Variants in MEGF11 observed in about 807,000 individuals in gnomAD.
MEGF11 encodes multiple epidermal growth factor-like domains protein 11.
In MEGF11, 126 loss-of-function variants were observed where a neutral mutation model predicts 146.6. The ratio of observed to expected loss-of-function variants is 0.86; its 90% CI spans 0.74 to 1.00. MEGF11 has a LOEUF of 1.00. MEGF11 is among the 50% of genes least tolerant of loss of function. The pLI, the probability that MEGF11 is intolerant of heterozygous loss-of-function variation, is 0.00. For missense variants in MEGF11, 1,509 were observed against 1,521.2 expected (o/e 0.99, Z 0.13); for synonymous variants, 532 against 583.4 (o/e 0.91, Z 1.27).
At chr15:66,101,663 A>T (rs138740134) in intron 4 of MEGF11, among the ~76,000 whole-genome samples, 68 of 152,294 alleles carry the variant, frequency 4.5e-4, no homozygotes, top group African/African-American at 1.5e-3. Flanking sequence ...ATATTAATAC[A>T]TCCTGAACAA....
chr15:66,160,562 A>T (rs993855211), intron 1 of MEGF11, among the ~76,000 whole-genome samples: 1 of 151,968 alleles, frequency 6.6e-6, no homozygotes, highest in Non-Finnish European at 1.5e-5. Flanking sequence ...CACATCCATG[A>T]GGGTAAGGTA....
chr15:66,059,595 A>AC (rs1299439647), intron 5 of MEGF11, among the ~76,000 whole-genome samples: 9 of 147,988 alleles, frequency 6.1e-5, no homozygotes, highest in African/African-American at 1.7e-4. Flanking sequence ...AGTCCCAGAG[A>AC]CCCCCCACAG....
At chr15:66,187,099 G>C (rs1162809984) in intron 1 of MEGF11, among the ~76,000 whole-genome samples, 1 of 152,168 alleles carries the variant, frequency 6.6e-6, no homozygotes, top group Non-Finnish European at 1.5e-5. Context: ...TGAGAGTGAT[G>C]GTACATGGAA....
intron 1 of MEGF11, among the ~76,000 whole-genome samples, chr15:66,167,120 G>A (rs2090117561): frequency 6.6e-6 from 1 of 152,130 alleles, no homozygotes; most frequent in Admixed American, 6.5e-5. Flanking sequence ...AGTGGGCAGA[G>A]CCACCATGGA....
intron 4 of MEGF11, among the ~76,000 whole-genome samples, chr15:66,100,020 G>C (rs545957150): frequency 9.8e-5 from 15 of 152,326 alleles, no homozygotes; most frequent in African/African-American, 3.4e-4. Context: ...TGGAATGAAA[G>C]GAGGCCCCAG....
intron 10 of MEGF11, among the ~76,000 whole-genome samples, chr15:65,955,147 C>T (rs2080536438): frequency 6.6e-6 from 1 of 152,136 alleles, no homozygotes; most frequent in South Asian, 2.1e-4. Context: ...CAGGGGTCAC[C>T]CATGAGCAGT....
intron 1 of MEGF11, among the ~76,000 whole-genome samples, chr15:66,170,297 T>C (rs934644780): frequency 1.3e-5 from 2 of 152,144 alleles, no homozygotes; most frequent in African/African-American, 4.8e-5. Context: ...AGGAGAGCTC[T>C]TCTGGATATT....
chr15:66,039,669 C>T (rs993753886), intron 5 of MEGF11, among the ~76,000 whole-genome samples: 1 of 152,218 alleles, frequency 6.6e-6, no homozygotes, highest in Non-Finnish European at 1.5e-5. Flanking sequence ...CACCGGACTA[C>T]ATCCTCTAGG....
chr15:66,119,172 G>A lies in MEGF11; in HGVS notation c.215C>T (p.Thr72Met), dbSNP rs1416255803. ...KCTRHRISYKTAYRRGLRTMY... is the reference protein window; with the variant it reads ...KCTRHRISYKMAYRRGLRTMY... ...GGTCCGGAGGCCTCTCCGATACGCC[G>A]TCTTATAACTGATCCTAAGGCACAA... is the stretch of plus-strand genomic sequence containing the variant. The change falls in exon 4 of 26, where the codon ACG (threonine) becomes ATG (methionine). Residue 72 changes from threonine (T) to methionine (M), a missense_variant. Coordinates refer to ENST00000395614, the MANE Select transcript of MEGF11 (RefSeq NM_001385028.1). 16 of 1,551,046 alleles carry A rather than the reference G, an allele frequency of 1.0e-5. No homozygotes were observed. Among genetic ancestry groups the A allele is most frequent in the South Asian group, 1.2e-5 (1 of 84,054 alleles).
intron 10 of MEGF11, among the ~76,000 whole-genome samples, chr15:65,932,475 A>AG (rs78767632): frequency 0.32 from 48,646 of 151,796 alleles, 8,485 homozygotes; most frequent in East Asian, 0.66. Flanking sequence ...GTTACAGGGT[A>AG]GGAGACCAGG....
intron 5 of MEGF11, among the ~76,000 whole-genome samples, chr15:66,044,409 G>T (rs2140311703): frequency 6.6e-6 from 1 of 152,192 alleles, no homozygotes; most frequent in East Asian, 1.9e-4. Flanking sequence ...TCCACATTGT[G>T]AACTTCTTCA....
At chr15:65,898,190 C>G (rs768457812) in intron 25 of MEGF11, 96 bp from the exon 26 acceptor site, 3 of 1,474,638 alleles carry the variant, frequency 2.0e-6, no homozygotes, top group Non-Finnish European at 1.8e-6. Flanking sequence ...GGGAAAGGAG[C>G]CAGGGATTTA....
chr15:65,915,434 T>G lies in MEGF11; in HGVS notation c.2473+36A>C, dbSNP rs543331401. On this transcript the variant is annotated intron_variant, in intron 19 of 25. Transcript: ENST00000395614. ...TCCCTAGAGCTGCCATGGGGCCCTT[T>G]CCACAGACCCCGGGGCTCTGCCACG... 1.8e-4 allele frequency: 282 copies of G among 1,606,736 alleles called. 2 individuals carry two copies. In the South Asian group the frequency reaches 3.0e-3, roughly 17 times the overall value.
chr15:66,249,420 A>C (rs2092340793), intron 1 of MEGF11, among the ~76,000 whole-genome samples: 1 of 152,220 alleles, frequency 6.6e-6, no homozygotes, highest in African/African-American at 2.4e-5. Flanking sequence ...TTTCAATTAT[A>C]ACACTGCTAT....
chr15:65,905,337 A>G (rs529822932), intron 24 of MEGF11: 1 of 152,370 alleles, frequency 6.6e-6, no homozygotes, highest in East Asian at 1.9e-4. Flanking sequence ...CAGGCATTAG[A>G]CAATAGGACA....
intron 3 of MEGF11, 77 bp from the exon 4 acceptor site, chr15:66,119,263 C>T: frequency 9.7e-7 from 1 of 1,032,324 alleles, no homozygotes; most frequent in Non-Finnish European, 1.4e-6. Context: ...TTGTGTTAAG[C>T]TATATTGAGG....
At chr15:66,203,266 C>T (rs534602482) in intron 1 of MEGF11, among the ~76,000 whole-genome samples, 10 of 152,290 alleles carry the variant, frequency 6.6e-5, no homozygotes, top group East Asian at 3.9e-4. Flanking sequence ...TCCGAGGGCC[C>T]GCCTCACATG....
intron 5 of MEGF11, among the ~76,000 whole-genome samples, chr15:66,031,526 C>G (rs1413197544): frequency 6.6e-6 from 1 of 152,190 alleles, no homozygotes; most frequent in Non-Finnish European, 1.5e-5. Flanking sequence ...ATTTCCCACT[C>G]CAAGTGAAGT....
rs1049765112 is a variant in MEGF11, at chr15:65,963,125, A to G, written c.1112+1783T>C. On this transcript the variant is annotated intron_variant, in intron 9 of 25. Transcript: ENST00000395614. Reference sequence around the variant, plus strand: ...GGAGCTCCCTGCATTGGACCCCGGCATCAGCCTTGCTTCCTGTCTTGGAGA... The same window carrying G: ...GGAGCTCCCTGCATTGGACCCCGGCGTCAGCCTTGCTTCCTGTCTTGGAGA... Among the ~76,000 whole-genome samples, 13 of 152,362 alleles carry G rather than the reference A, an allele frequency of 8.5e-5. No homozygotes were observed. The East Asian group carries it at 2.5e-3, about 29-fold the overall frequency.
Sources: allele counts gnomAD v4.1 joint callset (sites outside exome capture counted in the v4.1 genomes callset), GRCh38; gene constraint gnomAD v4.1.1; transcripts MANE v1.5; gene names NCBI Gene and HGNC (gene_info 2026-07-23, HGNC 2026-07-21).